The following MYO9A variants were observed in gnomAD, a reference collection of about 807,000 sequenced individuals.
MYO9A encodes myosin IXA.
In MYO9A, 103 loss-of-function variants were observed where a neutral mutation model predicts 293.3. That is an observed-to-expected ratio of 0.35 (90% CI 0.30 to 0.41). The LOEUF is 0.41. MYO9A is among the 10% of genes least tolerant of loss of function. The pLI, the probability that MYO9A is intolerant of heterozygous loss-of-function variation, is 1.00. For synonymous variants in MYO9A, 1,001 were observed against 1,035.7 expected, an observed-to-expected ratio of 0.97 and a Z score of 0.64; for missense variants, 2,685 against 3,033.0, an observed-to-expected ratio of 0.89 and a Z score of 2.69.
intron 2 of MYO9A, among the ~76,000 whole-genome samples, chr15:72,032,902 G>A (rs943758634): frequency 2.0e-5 from 3 of 152,186 alleles, no homozygotes; most frequent in Non-Finnish European, 4.4e-5. Context: ...CTAGGCTGGA[G>A]TGCAGTGGTG....
rs2055564548 is a variant in MYO9A at position 71,849,976 on chromosome 15, C to A, written c.6713+60G>T. 3.2e-6 allele frequency: 5 copies of A among 1,582,564 alleles called. No homozygotes were observed. The African/African-American group carries it at 5.4e-5, about 17-fold the overall frequency. ...ATTCACTATGTTTGATATCTGGATA[C>A]AGTGACTACATAGTCAGAAGTCCCT... On this transcript the variant is annotated intron_variant, in intron 38 of 41. Transcript: ENST00000356056.
chr15:71,999,789 C>G, intron 9 of MYO9A, 62 bp downstream of exon 9: 1 of 1,403,544 alleles, frequency 7.1e-7, no homozygotes, highest in Non-Finnish European at 9.8e-7. Flanking sequence ...AAAACCCAAA[C>G]TTCAAACCTA....
intron 31 of MYO9A, among the ~76,000 whole-genome samples, chr15:71,877,318 T>A (rs116642485): frequency 7.8e-4 from 119 of 152,326 alleles, no homozygotes; most frequent in African/African-American, 2.6e-3. Context: ...TTATTATTAT[T>A]ATACAGACTT....
At chr15:71,990,648 C>G (rs2929526) in intron 11 of MYO9A, among the ~76,000 whole-genome samples, 5 of 151,184 alleles carry the variant, frequency 3.3e-5, no homozygotes, top group African/African-American at 1.2e-4. Context: ...CCCAGCTACT[C>G]GGGGAGGCTG....
intron 19 of MYO9A, among the ~76,000 whole-genome samples, chr15:71,915,454 A>G (rs1172535216): frequency 6.7e-6 from 1 of 148,722 alleles, no homozygotes; most frequent in Non-Finnish European, 1.5e-5. Context: ...AAGAGAAAGG[A>G]TGTGACCAAA....
chr15:71,983,470 CTTTTTT>C (rs1170508506), intron 11 of MYO9A, among the ~76,000 whole-genome samples: 5 of 72,898 alleles, frequency 6.9e-5, no homozygotes, highest in Non-Finnish European at 9.9e-5. Context: ...TTTTTTATTT[CTTTTTT>C]TTTTTTTTTT....
intron 2 of MYO9A, 91 bp downstream of exon 2, chr15:72,045,633 G>A (rs774167912): frequency 8.9e-6 from 12 of 1,344,358 alleles, no homozygotes; most frequent in African/African-American, 1.5e-5. Flanking sequence ...CATCGACCTG[G>A]TATTGCAGTA....
chr15:71,877,509 G>A (rs369247380), intron 31 of MYO9A, among the ~76,000 whole-genome samples: 8 of 152,138 alleles, frequency 5.3e-5, no homozygotes, highest in African/African-American at 1.9e-4. Flanking sequence ...CCAGGGTGAA[G>A]TGCAGTGGCG....
intron 26 of MYO9A, chr15:71,893,247 C>T: frequency 9.0e-7 from 1 of 1,116,558 alleles, no homozygotes; most frequent in East Asian, 5.9e-5. Flanking sequence ...GAGATGATGC[C>T]AATGAAAGAC....
At chr15:71,928,839 A>G (rs2145573366) in intron 18 of MYO9A, among the ~76,000 whole-genome samples, 1 of 151,814 alleles carries the variant, frequency 6.6e-6, no homozygotes, top group African/African-American at 2.4e-5. Context: ...CAGGAAAATC[A>G]TTTGAGGCTA....
intron 8 of MYO9A, among the ~76,000 whole-genome samples, chr15:72,003,348 G>C (rs962994763): frequency 4.0e-5 from 6 of 150,098 alleles, no homozygotes; most frequent in African/African-American, 1.5e-4. Flanking sequence ...AACACAAATA[G>C]CTAATACCAT....
intron 13 of MYO9A, among the ~76,000 whole-genome samples, chr15:71,964,260 A>T (rs1262757305): frequency 6.6e-6 from 1 of 152,064 alleles, no homozygotes; most frequent in East Asian, 1.9e-4. Context: ...TCTGCTTTAT[A>T]TTGCACTGAT....
intron 1 of MYO9A, among the ~76,000 whole-genome samples, chr15:72,099,427 A>AG (rs1567038147): frequency 6.9e-6 from 1 of 145,216 alleles, no homozygotes; most frequent in East Asian, 2.0e-4. Context: ...TGCCCCAAAA[A>AG]AAAAAAAAAA....
intron 15 of MYO9A, among the ~76,000 whole-genome samples, chr15:71,948,760 G>C (rs1040765477): frequency 6.6e-6 from 1 of 152,104 alleles, no homozygotes; most frequent in Non-Finnish European, 1.5e-5. Flanking sequence ...GACTCTGTTA[G>C]TCTGAAAATG....
chr15:72,101,603 C>T (rs2080327324), intron 1 of MYO9A, among the ~76,000 whole-genome samples: 1 of 134,924 alleles, frequency 7.4e-6, no homozygotes. Context: ...AGTGAGGAGC[C>T]CCTCTGCCCG....
chr15:71,873,080 T>A (rs1210334593), intron 32 of MYO9A, among the ~76,000 whole-genome samples: 1 of 150,508 alleles, frequency 6.6e-6, no homozygotes, highest in East Asian at 1.9e-4. Flanking sequence ...ACCTGGCTAA[T>A]TTTTTTTTGT....
At chr15:72,048,617 G>A (rs2078463335) in intron 1 of MYO9A, among the ~76,000 whole-genome samples, 2 of 151,940 alleles carry the variant, frequency 1.3e-5, no homozygotes. Flanking sequence ...CTGAACCTCT[G>A]TTAATTACTA....
At chr15:72,105,191 T>C (rs1482596317) in intron 1 of MYO9A, among the ~76,000 whole-genome samples, 1 of 152,202 alleles carries the variant, frequency 6.6e-6, no homozygotes, top group Non-Finnish European at 1.5e-5. Context: ...TCTCAGTCAC[T>C]TGGGAAAAAC....
intron 1 of MYO9A, among the ~76,000 whole-genome samples, chr15:72,070,781 T>A (rs551607351): frequency 6.6e-6 from 1 of 151,994 alleles, no homozygotes; most frequent in South Asian, 2.1e-4. Flanking sequence ...TTCAATAAAG[T>A]TGACAATAAT....
Sources: gnomAD v4.1 joint callset for allele counts (sites outside exome capture counted in the v4.1 genomes callset) on GRCh38, gnomAD v4.1.1 for gene constraint, MANE v1.5 for transcripts, NCBI Gene and HGNC (gene_info 2026-07-23, HGNC 2026-07-21) for gene names.